KDM5B: variants seen among roughly 807,000 people sequenced by gnomAD.
KDM5B encodes the protein lysine demethylase 5B.
A neutral mutation model predicts 193.4 loss-of-function variants in KDM5B; 144 were observed. The ratio of observed to expected loss-of-function variants is 0.74; its 90% confidence interval spans 0.65 to 0.86. The LOEUF (loss-of-function observed/expected upper bound fraction) is 0.86, where lower values mean the gene tolerates loss of function less well. KDM5B is among the 40% of genes least tolerant of loss of function. The pLI, the probability that KDM5B is intolerant of heterozygous loss-of-function variation, is 0.00. For missense variants in KDM5B, 1,833 were observed against 1,886.9 expected (o/e 0.97, Z 0.53); for synonymous variants, 668 against 682.6 (o/e 0.98, Z 0.33).
intron 1 of KDM5B, among the ~76,000 whole-genome samples, chr1:202,782,313 G>C (rs560980605): frequency 6.6e-6 from 1 of 152,044 alleles, no homozygotes; most frequent in Non-Finnish European, 1.5e-5. Context: ...ACTATCATAC[G>C]GAACTAAAAT....
chr1:202,730,477 G>GGT (rs1654840790), intron 25 of KDM5B, among the ~76,000 whole-genome samples: 1 of 152,144 alleles, frequency 6.6e-6, no homozygotes, highest in Non-Finnish European at 1.5e-5. Context: ...ACACCTTATA[G>GGT]GTGTAAGGCG....
chr1:202,756,026 C>CTTA (rs1002838177), intron 10 of KDM5B, among the ~76,000 whole-genome samples: 1 of 150,952 alleles, frequency 6.6e-6, no homozygotes, highest in African/African-American at 2.4e-5. Flanking sequence ...AAACAGAACT[C>CTTA]TTCCTAAGAG....
intron 1 of KDM5B, among the ~76,000 whole-genome samples, chr1:202,788,931 C>G (rs1456670795): frequency 6.6e-6 from 1 of 152,092 alleles, no homozygotes; most frequent in African/African-American, 2.4e-5. Context: ...CAAAAATGAT[C>G]TGTCTGTCAG....
At chr1:202,740,353 G>A (rs1335695720) in intron 20 of KDM5B, among the ~76,000 whole-genome samples, 7 of 118,398 alleles carry the variant, frequency 5.9e-5, no homozygotes, top group Admixed American at 4.2e-4. Flanking sequence ...CCGGCCGGGC[G>A]GGGGGCTGAC....
chr1:202,745,226 C>G (rs1434345394), intron 16 of KDM5B, among the ~76,000 whole-genome samples: 1 of 152,068 alleles, frequency 6.6e-6, no homozygotes, highest in Non-Finnish European at 1.5e-5. Context: ...CTAATGGGTA[C>G]TAAGCTTAAT....
At chr1:202,782,578 T>C (rs1657242872) in intron 1 of KDM5B, among the ~76,000 whole-genome samples, 1 of 152,078 alleles carries the variant, frequency 6.6e-6, no homozygotes, top group African/African-American at 2.4e-5. Flanking sequence ...GCTTCTAAGG[T>C]GAAAATTTTG....
chr1:202,760,208 G>T (rs929860707), intron 8 of KDM5B, among the ~76,000 whole-genome samples: 4 of 10,056 alleles, frequency 4.0e-4, no homozygotes, highest in South Asian at 3.1e-3. Flanking sequence ...CAGCTACGTG[G>T]GGGGGGCTGA....
rs184596136 is a variant in KDM5B, at chr1:202,789,693, T to A, written c.205-12599A>T. Among the ~76,000 whole-genome samples the A allele has an allele frequency of 3.4e-3, 403 of 116,942 alleles. 2 individuals carry two copies. The highest frequency in any genetic ancestry group is 0.013 in the African/African-American group (387 of 30,790). 76.7% of individuals were successfully genotyped at this position (116,942 alleles called of 152,430 possible). A position where few individuals can be genotyped will look rare whatever the true frequency, so the allele number is the denominator to read the frequency against. ...GACCCTATAAAAAAAATTTTTTTTT[T>A]AATTAGCTAGGCATGGTAGCATGCA... On this transcript the variant is annotated intron_variant, in intron 1 of 26. Coordinates refer to ENST00000367265, the MANE Select transcript of KDM5B (RefSeq NM_006618.5).
At chr1:202,775,879 A>AATATAT (rs1277889468) in intron 2 of KDM5B, among the ~76,000 whole-genome samples, 4 of 93,202 alleles carry the variant, frequency 4.3e-5, no homozygotes, top group South Asian at 3.7e-4. Flanking sequence ...AAAAAAAAAA[A>AATATAT]ATATATATAT....
chr1:202,727,219 A>G lies in KDM5B; in HGVS notation c.*1817T>C, dbSNP rs1654704359. ...CTCAATGGAAGGTGAGGACTGGGAC[A>G]GTTGGCATCCTATCTCAAAGTCGGG... On this transcript the variant is annotated 3_prime_UTR_variant, in exon 27 of 27. Transcript: ENST00000367265. 6.6e-6 allele frequency: 1 copy of G among 152,218 alleles called. No individual in the cohort carries two copies. The highest frequency in any genetic ancestry group is 1.5e-5 in the Non-Finnish European group (1 of 68,048). The allele number at this position is 152,218 out of a possible 1,614,324, so 9.4% of individuals were successfully genotyped here. A position where few individuals can be genotyped will look rare whatever the true frequency, so the allele number is the denominator to read the frequency against.
At position 202,750,661 on chromosome 1, in the gene KDM5B, A is replaced by G. The variant is rs1285273572; in HGVS notation, c.1819T>C (p.Trp607Arg). Residue 607 changes from tryptophan (W) to arginine (R), a missense_variant and splice_region_variant, in exon 13 of 27, where the codon TGG (tryptophan) becomes CGG (arginine). Around this residue, in one of 3 missense-constraint regions of KDM5B, gnomAD observed 1,379 missense variants for 1,349.6 expected, o/e 1.02. Transcript: ENST00000367265. ...AEAVNFCTVD[W>R]LPLGRQCVEH... ...TTAACTACATTGTAATTACATACCCAATCAACAGTGCAGAAGTTAACAGCC... is the reference window on the plus strand; with the variant it reads ...TTAACTACATTGTAATTACATACCCGATCAACAGTGCAGAAGTTAACAGCC... 1 of 1,613,560 alleles carries G rather than the reference A, an allele frequency of 6.2e-7. No individual in the cohort carries two copies. Among genetic ancestry groups the G allele is most frequent in the Non-Finnish European group, 8.5e-7 (1 of 1,179,666 alleles).
intron 17 of KDM5B, 23 bp downstream of exon 17, chr1:202,742,632 C>T (rs1655390597): frequency 6.2e-7 from 1 of 1,612,080 alleles, no homozygotes; most frequent in African/African-American, 1.3e-5. Context: ...AGAATCCAAA[C>T]TCACGCAGTC....
rs373039357 is a variant in KDM5B at position 202,762,718 on chromosome 1, G to T, written c.899C>A (p.Ser300Tyr). The T allele has an allele frequency of 3.9e-5, 63 of 1,602,888 alleles. No homozygotes were observed. The highest frequency in any genetic ancestry group is 6.7e-5 in the African/African-American group (5 of 74,704). The change falls in exon 7 of 27, where the codon TCT becomes TAT. Residue 300 changes from serine (S) to tyrosine (Y), a missense_variant. Physicochemically the swap from Ser to Tyr is moderately radical, Grantham distance 144. This residue lies in a region of KDM5B where 99 missense variants were observed against 162.4 expected (regional missense o/e 0.61). Transcript: ENST00000367265. ...ENEKEKPKSR[S>Y]KKATNAVDLY... is the part of the protein sequence containing the mutation. Reference sequence around the variant, plus strand: ...ACTCACAGCATTGGTGGCTTTTTTAGATCGACTCTTGGGCTTTTCCTTCTC... The same window carrying T: ...ACTCACAGCATTGGTGGCTTTTTTATATCGACTCTTGGGCTTTTCCTTCTC...
At position 202,760,536 on chromosome 1, in the gene KDM5B, T is replaced by C. The variant is rs774215950; in HGVS notation, c.956A>G (p.Asn319Ser). 8.1e-6 allele frequency: 13 copies of C among 1,613,004 alleles called. No individual in the cohort carries two copies. The highest frequency in any genetic ancestry group is 4.0e-5 in the African/African-American group (3 of 74,844). Residue 319 changes from asparagine to serine, a missense_variant, in exon 8 of 27, where the codon AAT becomes AGT. Around this residue, in one of 3 missense-constraint regions of KDM5B, gnomAD observed 99 missense variants for 162.4 expected, o/e 0.61. Transcript: ENST00000367265. Reference sequence around the variant, plus strand: ...ACACAACAGTAGCCGGTCTTCATCATTGCCACTGCCACATAAAAGACAGAC... The same window carrying C: ...ACACAACAGTAGCCGGTCTTCATCACTGCCACTGCCACATAAAAGACAGAC... ...LYVCLLCGSG[N>S]DEDRLLLCDG...
rs1431710801 is a variant in KDM5B, at chr1:202,733,690, G to A, written c.3620C>T (p.Pro1207Leu). ...GATTCGCAGGCCCTGTGAAATACTG[G>A]GTACCGCCACACAACTGGTGTGGAA... is the stretch of plus-strand genomic sequence containing the variant. Reference protein sequence around the residue: ...DAFHTSCVAVPSISQGLRIWL... With the variant: ...DAFHTSCVAVLSISQGLRIWL... The change falls in exon 23 of 27, where the codon CCC becomes CTC. Residue 1207 changes from proline (P) to leucine (L), a missense_variant. Coordinates refer to ENST00000367265, the MANE Select transcript of KDM5B (RefSeq NM_006618.5). 2 of 1,614,082 alleles carry A rather than the reference G, an allele frequency of 1.2e-6. No individual in the cohort carries two copies. Among genetic ancestry groups the A allele is most frequent in the Admixed American group, 3.3e-5 (2 of 60,010 alleles).
intron 7 of KDM5B, 113 bp downstream of exon 7, chr1:202,762,582 TAAAC>T: frequency 1.5e-6 from 1 of 689,522 alleles, no homozygotes. Context: ...GACACTAAGT[TAAAC>T]AATCTTATTT....
chr1:202,751,956 G>A (rs1655808197), intron 12 of KDM5B, among the ~76,000 whole-genome samples: 2 of 152,160 alleles, frequency 1.3e-5, no homozygotes, highest in Admixed American at 6.5e-5. Context: ...GCTTACTGGT[G>A]ATTACTTTCT....
rs745309787 is a variant in KDM5B at position 202,731,080 on chromosome 1, CA to C, written c.4022-18del. The C allele has an allele frequency of 3.2e-6, 5 of 1,573,030 alleles. No homozygotes were observed. Among genetic ancestry groups the C allele is most frequent in the Non-Finnish European group, 3.5e-6 (4 of 1,156,110 alleles). On this transcript the variant is annotated intron_variant, in intron 24 of 26. Coordinates refer to ENST00000367265, the MANE Select transcript of KDM5B (RefSeq NM_006618.5). ...GACTAACACCTGTAAAAGACCAGAC[CA>C]AATCAAAATGATAACAACAAAGGGT... is the stretch of plus-strand genomic sequence containing the variant.
chr1:202,799,673 A>T (rs1657996994), intron 1 of KDM5B, among the ~76,000 whole-genome samples: 1 of 150,890 alleles, frequency 6.6e-6, no homozygotes, highest in African/African-American at 2.4e-5. Context: ...AAAAAAAAGT[A>T]ATTTTTAAAA....
Sources: allele counts gnomAD v4.1 joint callset (sites outside exome capture counted in the v4.1 genomes callset), GRCh38; gene constraint gnomAD v4.1.1; regional missense constraint gnomAD v4.1.1; transcripts MANE v1.5; gene names NCBI Gene and HGNC (gene_info 2026-07-23, HGNC 2026-07-21).